Variants in PTCHD1 observed in about 807,000 individuals in gnomAD.
PTCHD1 encodes the protein patched domain containing 1.
A neutral mutation model predicts 34.6 loss-of-function variants in PTCHD1; 3 were observed. The observed-to-expected ratio is 0.09, with a 90% confidence interval of 0.04 to 0.22. The LOEUF (loss-of-function observed/expected upper bound fraction) is 0.22, where lower values mean the gene tolerates loss of function less well. PTCHD1 is among the 10% of genes least tolerant of loss of function. PTCHD1 has a pLI of 1.00. For missense variants in PTCHD1, 504 were observed against 685.5 expected (o/e 0.74, Z 2.96); for synonymous variants, 305 against 283.1 (o/e 1.08, Z -0.77).
rs773650102 is a variant in PTCHD1 at position 23,363,513 on chromosome X, G to A, written c.352-16078G>A. On this transcript the variant is annotated intron_variant, in intron 1 of 2. Transcript: ENST00000379361. ...CATTTGCTACGACTGTTGGAAAAGC[G>A]CAGTATTTGGACGGAAGTGTCCCAA... 1.2e-4 allele frequency among the ~76,000 whole-genome samples: 13 copies of A among 112,954 alleles called. No individual in the cohort carries two copies. The South Asian group carries it at 1.5e-3, about 13-fold the overall frequency.
intron 1 of PTCHD1, among the ~76,000 whole-genome samples, chrX:23,353,224 G>A (rs1263677495): frequency 8.9e-6 from 1 of 112,703 alleles, no homozygotes; most frequent in African/African-American, 3.2e-5. Context: ...AGGGGAAGCT[G>A]AGTAAGGGAT....
At chrX:23,382,395 C>G (rs1415685475) in intron 2 of PTCHD1, among the ~76,000 whole-genome samples, 1 of 112,500 alleles carries the variant, frequency 8.9e-6, no homozygotes, top group Non-Finnish European at 1.9e-5. Context: ...TTTTAAATTT[C>G]TTAAAACTTA....
intron 2 of PTCHD1, among the ~76,000 whole-genome samples, chrX:23,390,334 A>AC (rs2146649672): frequency 9.1e-6 from 1 of 109,531 alleles, no homozygotes; most frequent in East Asian, 2.8e-4. Flanking sequence ...CCCAGGAAAA[A>AC]AAAAAAAAAA....
intron 1 of PTCHD1, among the ~76,000 whole-genome samples, chrX:23,358,824 A>G (rs1921888081): frequency 1.8e-5 from 2 of 112,079 alleles, no homozygotes; most frequent in African/African-American, 3.2e-5. Flanking sequence ...TAATTTTTGT[A>G]TAAGGTGTAA....
rs918394260 is a variant in PTCHD1, at chrX:23,394,388, A to G, written c.*203A>G. 2 of 352,457 alleles carry G rather than the reference A, an allele frequency of 5.7e-6. No individual in the cohort carries two copies. The highest frequency in any genetic ancestry group is 8.3e-4 in the Middle Eastern group (1 of 1,205). The allele number at this position is 352,457 out of a possible 1,213,427, so 29.0% of individuals were successfully genotyped here. A position where few individuals can be genotyped will look rare whatever the true frequency, so the allele number is the denominator to read the frequency against. ...CAGTCTTTAAAACAAAGGAGTTGTTATGAGAATTCACACACACATAGACAC... is the reference window on the plus strand; with the variant it reads ...CAGTCTTTAAAACAAAGGAGTTGTTGTGAGAATTCACACACACATAGACAC... On this transcript the variant is annotated 3_prime_UTR_variant, in exon 3 of 3. Coordinates refer to ENST00000379361, the MANE Select transcript of PTCHD1 (RefSeq NM_173495.3).
At chrX:23,338,720 C>A (rs1334966421) in intron 1 of PTCHD1, among the ~76,000 whole-genome samples, 1 of 111,908 alleles carries the variant, frequency 8.9e-6, no homozygotes, top group African/African-American at 3.3e-5. Context: ...GGACTCCAAG[C>A]CCAGTGTGCT....
Position 23,388,019 on chromosome X carries a change from G to T in PTCHD1, c.1013-4512G>T, listed in dbSNP as rs369589945. Among the ~76,000 whole-genome samples the T allele has an allele frequency of 5.4e-5, 6 of 111,220 alleles. No individual in the cohort carries two copies. In the East Asian group the frequency reaches 1.4e-3, roughly 26 times the overall value. Reference sequence around the variant, plus strand: ...TATCATCCAGGGTAATCCTTGGAATGTGAGGATGTCAGGATGTGGAGGTTC... The same window carrying T: ...TATCATCCAGGGTAATCCTTGGAATTTGAGGATGTCAGGATGTGGAGGTTC... On this transcript the variant is annotated intron_variant, in intron 2 of 2. Transcript: ENST00000379361.
intron 2 of PTCHD1, among the ~76,000 whole-genome samples, chrX:23,387,089 T>C (rs1922702469): frequency 8.9e-6 from 1 of 112,141 alleles, no homozygotes; most frequent in South Asian, 3.7e-4. Context: ...ACAAAGTAGA[T>C]CAATTTGCCT....
At position 23,403,865 on chromosome X, in the gene PTCHD1, T is replaced by A. The variant is rs911181894; in HGVS notation, c.*9680T>A. 2 of 111,370 alleles carry A rather than the reference T, an allele frequency of 1.8e-5. No homozygotes were observed. The highest frequency in any genetic ancestry group is 6.5e-5 in the African/African-American group (2 of 30,633). The allele number at this position is 111,370 out of a possible 1,213,427, so 9.2% of individuals were successfully genotyped here. Reference sequence around the variant, plus strand: ...AAGATAGTTTAAAAAATCAAGGTAATAAAAAACGGCCAACTCTTTCAGGAA... The same window carrying A: ...AAGATAGTTTAAAAAATCAAGGTAAAAAAAAACGGCCAACTCTTTCAGGAA... On this transcript the variant is annotated 3_prime_UTR_variant, in exon 3 of 3. Coordinates refer to ENST00000379361, the MANE Select transcript of PTCHD1 (RefSeq NM_173495.3).
chrX:23,352,860 G>T (rs889717670), intron 1 of PTCHD1, among the ~76,000 whole-genome samples: 1 of 111,790 alleles, frequency 8.9e-6, no homozygotes, highest in Non-Finnish European at 1.9e-5. Context: ...GCTTCACCCA[G>T]ACCTAGTAAA....
Position 23,334,872 on chromosome X carries a change from T to C in PTCHD1, c.-4T>C. On this transcript the variant is annotated 5_prime_UTR_variant, in exon 1 of 3. Coordinates refer to ENST00000379361, the MANE Select transcript of PTCHD1 (RefSeq NM_173495.3). ...CCCTCCTCCCGCGCCCGCTCTGCTCTAGGATGCTGCGGCAGGTTCTGCACA... is the reference window on the plus strand; with the variant it reads ...CCCTCCTCCCGCGCCCGCTCTGCTCCAGGATGCTGCGGCAGGTTCTGCACA... 8.4e-7 allele frequency: 1 copy of C among 1,188,676 alleles called. No homozygotes were observed. Among genetic ancestry groups the C allele is most frequent in the Non-Finnish European group, 1.1e-6 (1 of 882,877 alleles).
intron 1 of PTCHD1, among the ~76,000 whole-genome samples, chrX:23,357,419 C>T (rs949730132): frequency 9.0e-6 from 1 of 111,349 alleles, no homozygotes; most frequent in African/African-American, 3.3e-5. Flanking sequence ...GTAACTGGAA[C>T]TCTTATACAT....
At chrX:23,381,967 A>G (rs772806187) in intron 2 of PTCHD1, among the ~76,000 whole-genome samples, 2 of 111,872 alleles carry the variant, frequency 1.8e-5, no homozygotes, top group South Asian at 7.6e-4. Flanking sequence ...ATTAGTCACA[A>G]TCTTGAATGT....
intron 1 of PTCHD1, among the ~76,000 whole-genome samples, chrX:23,375,813 A>G (rs1217870952): frequency 9.0e-6 from 1 of 111,718 alleles, no homozygotes; most frequent in Non-Finnish European, 1.9e-5. Flanking sequence ...ACATTTTTCA[A>G]CTGTATAGAA....
chrX:23,390,824 G>A (rs1569142517), intron 2 of PTCHD1, among the ~76,000 whole-genome samples: 1 of 112,184 alleles, frequency 8.9e-6, no homozygotes, highest in African/African-American at 3.2e-5. Flanking sequence ...GTACACACAA[G>A]ATAACAGTGA....
At chrX:23,355,982 T>C (rs1341746715) in intron 1 of PTCHD1, among the ~76,000 whole-genome samples, 1 of 112,553 alleles carries the variant, frequency 8.9e-6, no homozygotes, top group Non-Finnish European at 1.9e-5. Flanking sequence ...ATACTTATTT[T>C]AACAATGATC....
At position 23,399,513 on chromosome X, in the gene PTCHD1, C is replaced by A. The variant is rs766120546; in HGVS notation, c.*5328C>A. ...AACCACTGTCCTAAATTAATACAGA[C>A]CTCATTGGGAGTGTGATCCTGGTGT... On this transcript the variant is annotated 3_prime_UTR_variant, in exon 3 of 3. Transcript: ENST00000379361. 1 of 111,739 alleles carries A rather than the reference C, an allele frequency of 8.9e-6. No homozygotes were observed. The highest frequency in any genetic ancestry group is 1.9e-5 in the Non-Finnish European group (1 of 53,163). The allele number at this position is 111,739 out of a possible 1,213,427, so 9.2% of individuals were successfully genotyped here.
intron 1 of PTCHD1, among the ~76,000 whole-genome samples, chrX:23,355,947 T>C (rs1010457740): frequency 8.9e-6 from 1 of 112,908 alleles, no homozygotes; most frequent in Non-Finnish European, 1.9e-5. Context: ...ACAGTATCTT[T>C]ACTTTTACAA....
chrX:23,348,145 G>A (rs1235299094), intron 1 of PTCHD1, among the ~76,000 whole-genome samples: 1 of 111,369 alleles, frequency 9.0e-6, no homozygotes, highest in Admixed American at 9.5e-5. Flanking sequence ...GATAAACACT[G>A]GAACAGAAAT....
Sources: gnomAD v4.1 joint callset for allele counts (sites outside exome capture counted in the v4.1 genomes callset) on GRCh38, gnomAD v4.1.1 for gene constraint, MANE v1.5 for transcripts, NCBI Gene and HGNC (gene_info 2026-07-23, HGNC 2026-07-21) for gene names.